The following ESPNL variants were observed in gnomAD, a reference collection of about 807,000 sequenced individuals.
ESPNL encodes espin-like protein.
Under a neutral mutation model 46.8 loss-of-function variants are expected in ESPNL, and 49 were observed. That is an observed-to-expected ratio of 1.05 (90% CI 0.83 to 1.33). The LOEUF (loss-of-function observed/expected upper bound fraction) is 1.33. Ranked by LOEUF, ESPNL falls within the 40% of genes most tolerant of loss-of-function variation. The pLI is 0.00. For missense variants in ESPNL, 1,540 were observed against 1,436.6 expected (o/e 1.07, Z -1.16); for synonymous variants, 664 against 662.1 (o/e 1.00, Z -0.04).
Position 238,104,860 on chromosome 2 carries a change from G to A in ESPNL, c.672+18G>A. The A allele has an allele frequency of 6.8e-7, 1 of 1,465,580 alleles. No individual in the cohort carries two copies. Among genetic ancestry groups the A allele is most frequent in the East Asian group, 2.6e-5 (1 of 37,834 alleles). The allele number at this position is 1,465,580 out of a possible 1,614,324, so 90.8% of individuals were successfully genotyped here. ...TCTGGCTGGTAAGTGGGTGCCAGAG[G>A]TGGGAAGGGGACATCCAGGGAGTGT... On this transcript the variant is annotated intron_variant, in intron 3 of 8. Coordinates refer to ENST00000343063, the MANE Select transcript of ESPNL (RefSeq NM_194312.4).
intron 6 of ESPNL, among the ~76,000 whole-genome samples, chr2:238,126,462 T>G (rs1409443532): frequency 6.6e-6 from 1 of 151,352 alleles, no homozygotes; most frequent in East Asian, 1.9e-4. Flanking sequence ...GTCTATGTGA[T>G]TGTGTGTATC....
intron 1 of ESPNL, 78 bp from the exon 2 acceptor site, chr2:238,101,863 G>A (rs1307716593): frequency 9.9e-6 from 11 of 1,113,578 alleles, no homozygotes; most frequent in African/African-American, 6.1e-5. Flanking sequence ...GTGAGCCCTC[G>A]CCCAGGGCCC....
intron 6 of ESPNL, among the ~76,000 whole-genome samples, chr2:238,126,431 T>G (rs1288154608): frequency 1.3e-5 from 2 of 151,808 alleles, no homozygotes; most frequent in African/African-American, 2.4e-5. Flanking sequence ...TGTTTGTGTG[T>G]CTGTGTCAGT....
intron 5 of ESPNL, among the ~76,000 whole-genome samples, chr2:238,125,001 G>A (rs1204824848): frequency 1.3e-5 from 2 of 152,202 alleles, no homozygotes; most frequent in Non-Finnish European, 1.5e-5. Flanking sequence ...GCTGAGCTTT[G>A]AGATGGGGGT....
chr2:238,130,986 C>T lies in ESPNL; in HGVS notation c.2272C>T (p.Leu758Phe), dbSNP rs761217489. Residue 758 changes from leucine (L) to phenylalanine (F), a missense_variant, in exon 9 of 9, where the codon CTC becomes TTC. Coordinates refer to ENST00000343063, the MANE Select transcript of ESPNL (RefSeq NM_194312.4). Reference sequence around the variant, plus strand: ...GAGGAGATCGGCCTACACGCCGGCCCTCAAGACAGTGGCCTGCAGGACCCT... The same window carrying T: ...GAGGAGATCGGCCTACACGCCGGCCTTCAAGACAGTGGCCTGCAGGACCCT... ...HWRRSAYTPA[L>F]KTVACRTLGA... The T allele has an allele frequency of 3.2e-6, 5 of 1,547,712 alleles. No homozygotes were observed. Among genetic ancestry groups the T allele is most frequent in the Non-Finnish European group, 4.4e-6 (5 of 1,146,940 alleles).
At chr2:238,122,190 AC>A (rs968871535) in intron 5 of ESPNL, among the ~76,000 whole-genome samples, 3 of 152,212 alleles carry the variant, frequency 2.0e-5, no homozygotes, top group Non-Finnish European at 4.4e-5. Context: ...AACGGACAGG[AC>A]CCTGACATCT....
At chr2:238,129,570 G>A (rs1380645407) in intron 8 of ESPNL, among the ~76,000 whole-genome samples, 3 of 152,204 alleles carry the variant, frequency 2.0e-5, no homozygotes. Context: ...AGCAGAGAAG[G>A]GCTGTGATGT....
chr2:238,129,200 G>A (rs1320021832), intron 8 of ESPNL: 14 of 1,326,476 alleles, frequency 1.1e-5, no homozygotes, highest in Admixed American at 3.5e-5. Context: ...TGGGCGCAGC[G>A]TCTAGCAGGG....
intron 7 of ESPNL, among the ~76,000 whole-genome samples, chr2:238,128,145 C>T (rs1231856620): frequency 6.6e-6 from 1 of 152,178 alleles, no homozygotes; most frequent in Non-Finnish European, 1.5e-5. Flanking sequence ...GGTCCTGCTC[C>T]CCCTTACTCT....
intron 5 of ESPNL, among the ~76,000 whole-genome samples, chr2:238,117,244 G>A (rs1224450386): frequency 1.3e-5 from 2 of 152,178 alleles, no homozygotes; most frequent in Non-Finnish European, 2.9e-5. Flanking sequence ...CAGGAGCTGT[G>A]ACAGGGGCCA....
chr2:238,101,909 C>G (rs766412507), intron 1 of ESPNL, 32 bp from the exon 2 acceptor site: 5 of 1,560,668 alleles, frequency 3.2e-6, no homozygotes, highest in Non-Finnish European at 4.4e-6. Context: ...ACGGCCTACC[C>G]CCCACTCACT....
intron 2 of ESPNL, 109 bp downstream of exon 2, chr2:238,102,240 C>A: frequency 1.0e-6 from 1 of 980,758 alleles, no homozygotes; most frequent in Non-Finnish European, 1.5e-6. Context: ...TGAGGTGAAT[C>A]CTGCAGGCGG....
chr2:238,101,870 G>C (rs1691486190), intron 1 of ESPNL, 71 bp from the exon 2 acceptor site: 1 of 1,199,034 alleles, frequency 8.3e-7, no homozygotes. Flanking sequence ...CTCGCCCAGG[G>C]CCCACCTCCG....
chr2:238,110,983 C>T (rs1401151649), intron 4 of ESPNL, among the ~76,000 whole-genome samples: 2 of 122,012 alleles, frequency 1.6e-5, no homozygotes, highest in African/African-American at 5.9e-5. Flanking sequence ...GACGGAGTCT[C>T]ACTCTGTCGC....
chr2:238,104,207 C>A (rs1027904092), intron 2 of ESPNL, among the ~76,000 whole-genome samples: 1 of 152,162 alleles, frequency 6.6e-6, no homozygotes, highest in South Asian at 2.1e-4. Context: ...TGACCCTCCC[C>A]GGTGACTTTG....
Position 238,100,371 on chromosome 2 carries a change from G to A in ESPNL, c.-49G>A. 1 of 1,333,544 alleles carries A rather than the reference G, an allele frequency of 7.5e-7. No individual in the cohort carries two copies. Among genetic ancestry groups the A allele is most frequent in the Non-Finnish European group, 9.8e-7 (1 of 1,023,162 alleles). 82.6% of individuals were successfully genotyped at this position (1,333,544 alleles called of 1,614,324 possible). On this transcript the variant is annotated 5_prime_UTR_variant, in exon 1 of 9. Coordinates refer to ENST00000343063, the MANE Select transcript of ESPNL (RefSeq NM_194312.4). Reference sequence around the variant, plus strand: ...GGCAGCTTCATCCACGTCTGAAACAGGAAGCCCCAGCCTGTGCATGAGTCG... The same window carrying A: ...GGCAGCTTCATCCACGTCTGAAACAAGAAGCCCCAGCCTGTGCATGAGTCG...
Position 238,114,481 on chromosome 2 carries a change from C to T in ESPNL, c.856-2422C>T, listed in dbSNP as rs187848983. Among the ~76,000 whole-genome samples the T allele has an allele frequency of 4.6e-5, 7 of 152,286 alleles. No homozygotes were observed. Among genetic ancestry groups the T allele is most frequent in the Admixed American group, 3.3e-4 (5 of 15,292 alleles). Reference sequence around the variant, plus strand: ...TGCCATTCCCCCAGCCCAGAGCCTCCGGGAGCAGTGCCTCTCTCCAGCGAC... The same window carrying T: ...TGCCATTCCCCCAGCCCAGAGCCTCTGGGAGCAGTGCCTCTCTCCAGCGAC... On this transcript the variant is annotated intron_variant, in intron 4 of 8. Transcript: ENST00000343063. This position sits in a 1 kb window ranked among gnomAD's most constrained non-coding sequence, Gnocchi z 5.0.
Position 238,104,807 on chromosome 2 carries a change from G to A in ESPNL, c.637G>A (p.Ala213Thr), listed in dbSNP as rs984859540. 17 of 1,551,678 alleles carry A rather than the reference G, an allele frequency of 1.1e-5. No individual in the cohort carries two copies. The highest frequency in any genetic ancestry group is 2.4e-5 in the South Asian group (2 of 84,680). The change falls in exon 3 of 9, where the codon GCC (alanine) becomes ACC (threonine). Residue 213 changes from alanine to threonine, a missense_variant. Physicochemically the swap from Ala to Thr is moderately conservative, Grantham distance 58. Coordinates refer to ENST00000343063, the MANE Select transcript of ESPNL (RefSeq NM_194312.4). ...TGGCATGAGCGCCCTGCACGCTGCC[G>A]CCGCCCGTGGCCACTACTCCCTCGT... The part of the protein sequence containing the change: ...LDGMSALHAA[A>T]ARGHYSLVVW...
rs548806150 is a variant in ESPNL at position 238,123,551 on chromosome 2, TG to T, written c.988-1718del. ...AGCATCCCCTCCCCGGCCCCTGCTC[TG>T]TGGACAGTTAAAGGTTCCGTGGTAA... On this transcript the variant is annotated intron_variant, in intron 5 of 8. Transcript: ENST00000343063. Among the ~76,000 whole-genome samples, 10 of 152,250 alleles carry T rather than the reference TG, an allele frequency of 6.6e-5. No individual in the cohort carries two copies. In the East Asian group the frequency reaches 1.7e-3, roughly 26 times the overall value.
Sources: gnomAD v4.1 joint callset for allele counts (sites outside exome capture counted in the v4.1 genomes callset) on GRCh38, gnomAD v4.1.1 for gene constraint, Gnocchi (gnomAD v3.1) non-coding constraint, MANE v1.5 for transcripts, NCBI Gene and HGNC (gene_info 2026-07-23, HGNC 2026-07-21) for gene names.